CLMN: variants seen among roughly 807,000 people sequenced by gnomAD.
CLMN encodes the protein calmin (calponin-like, transmembrane).
In CLMN, 57 loss-of-function variants were observed where a neutral mutation model predicts 92.7. That is an observed-to-expected ratio of 0.61 (90% CI 0.50 to 0.77). The LOEUF (loss-of-function observed/expected upper bound fraction) is 0.77. Among genes scored for constraint, CLMN ranks in the 30% least tolerant of loss-of-function variants. The pLI is 0.00. For synonymous variants in CLMN, 466 were observed against 470.6 expected, an observed-to-expected ratio of 0.99 and a Z score of 0.13; for missense variants, 1,158 against 1,237.5, an observed-to-expected ratio of 0.94 and a Z score of 0.96.
chr14:95,197,045 C>T (rs1896736296), intron 9 of CLMN, among the ~76,000 whole-genome samples: 1 of 152,136 alleles, frequency 6.6e-6, no homozygotes, highest in African/African-American at 2.4e-5. Flanking sequence ...GAAATGGGTA[C>T]AATAATTATT....
Position 95,211,869 on chromosome 14 carries a change from C to T in CLMN, c.609-990G>A, listed in dbSNP as rs551968447. 3.3e-5 allele frequency among the ~76,000 whole-genome samples: 5 copies of T among 152,272 alleles called. No individual in the cohort carries two copies. The South Asian group carries it at 8.3e-4, about 25-fold the overall frequency. ...AGCTATAGACTGCATTTGAATTTCA[C>T]ATTTTCACAGGTGTTACTTTTCATG... On this transcript the variant is annotated intron_variant, in intron 6 of 12. Transcript: ENST00000298912.
chr14:95,203,328 C>T lies in CLMN; in HGVS notation c.2021G>A (p.Gly674Glu). The change falls in exon 9 of 13, where the codon GGA becomes GAA. Residue 674 changes from glycine to glutamate, a missense_variant. By Grantham distance (98) the Gly-to-Glu change is moderately conservative (BLOSUM62 -2). Coordinates refer to ENST00000298912, the MANE Select transcript of CLMN (RefSeq NM_024734.4). ...KSTRPHYEEEGEDDDLQGVGE... is the reference protein window; with the variant it reads ...KSTRPHYEEEEEDDDLQGVGE... ...CACACCCTGGAGGTCATCGTCTTCTCCCTCTTCCTCATAATGAGGACGGGT... is the reference window on the plus strand; with the variant it reads ...CACACCCTGGAGGTCATCGTCTTCTTCCTCTTCCTCATAATGAGGACGGGT... The T allele has an allele frequency of 1.2e-6, 2 of 1,614,102 alleles. No homozygotes were observed. Among genetic ancestry groups the T allele is most frequent in the Admixed American group, 3.3e-5 (2 of 60,010 alleles).
At position 95,311,003 on chromosome 14, in the gene CLMN, G is replaced by A. The variant is rs549615984; in HGVS notation, c.82+8708C>T. On this transcript the variant is annotated intron_variant, in intron 1 of 12. Transcript: ENST00000298912. ...TTGGGTTGCAGGGCCGGAGCAGGAC[G>A]GGCACACTGGAGGCAGCATAGACAG... Among the ~76,000 whole-genome samples, 199 of 152,292 alleles carry A rather than the reference G, an allele frequency of 1.3e-3. 1 individual carries two copies. The highest frequency in any genetic ancestry group is 4.5e-3 in the African/African-American group (189 of 41,556).
chr14:95,291,084 C>G (rs1278416864), intron 1 of CLMN, among the ~76,000 whole-genome samples: 1 of 152,226 alleles, frequency 6.6e-6, no homozygotes, highest in East Asian at 1.9e-4. Context: ...TAATTTCTTC[C>G]TCTCCCAAAG....
At chr14:95,219,518 T>C (rs1192611081) in intron 4 of CLMN, among the ~76,000 whole-genome samples, 1 of 152,216 alleles carries the variant, frequency 6.6e-6, no homozygotes, top group Non-Finnish European at 1.5e-5. Context: ...GGCTGGTGCA[T>C]GGCTAACCTG....
chr14:95,209,390 C>T lies in CLMN; in HGVS notation c.885+5G>A, dbSNP rs1342919667. On this transcript the variant is annotated splice_donor_5th_base_variant and intron_variant, in intron 8 of 12. Transcript: ENST00000298912. ...CGGAATTAAAGGTAAGAAAAGCAAA[C>T]ATACGGCTTCCAACTCCGGAAAACG... The T allele has an allele frequency of 6.2e-7, 1 of 1,613,698 alleles. No individual in the cohort carries two copies. Among genetic ancestry groups the T allele is most frequent in the Non-Finnish European group, 8.5e-7 (1 of 1,179,748 alleles).
In CLMN at chr14:95,274,907, G is replaced by C. The variant is rs374262742; in HGVS notation, c.83-44774C>G. On this transcript the variant is annotated intron_variant, in intron 1 of 12. Coordinates refer to ENST00000298912, the MANE Select transcript of CLMN (RefSeq NM_024734.4). ...AGCAGGAGAATCGCTTGAACCCAGG[G>C]GGGCAGAGGTTGCAGTGAGATGAGA... 9.9e-5 allele frequency among the ~76,000 whole-genome samples: 15 copies of C among 151,744 alleles called. No individual in the cohort carries two copies. In the East Asian group the frequency reaches 2.9e-3, roughly 29 times the overall value.
intron 1 of CLMN, among the ~76,000 whole-genome samples, chr14:95,291,922 G>A (rs1007086745): frequency 1.3e-5 from 2 of 152,210 alleles, no homozygotes; most frequent in East Asian, 3.8e-4. Context: ...AAAAAAAATA[G>A]GATCCAAAAT....
At chr14:95,292,756 A>G (rs1012614157) in intron 1 of CLMN, among the ~76,000 whole-genome samples, 1 of 152,104 alleles carries the variant, frequency 6.6e-6, no homozygotes, top group Non-Finnish European at 1.5e-5. Context: ...TGGGAGCTGG[A>G]GAGAAATCAG....
intron 9 of CLMN, among the ~76,000 whole-genome samples, chr14:95,197,059 C>G (rs978380128): frequency 1.3e-5 from 2 of 152,124 alleles, no homozygotes; most frequent in Non-Finnish European, 2.9e-5. Flanking sequence ...AATTATTAAC[C>G]ACATCCCACT....
chr14:95,309,445 A>G (rs1024181308), intron 1 of CLMN, among the ~76,000 whole-genome samples: 2 of 152,184 alleles, frequency 1.3e-5, no homozygotes, highest in Non-Finnish European at 2.9e-5. Context: ...CAGTCCCAAA[A>G]TCCACACAAC....
At chr14:95,245,212 A>ATATATATATAATATATATATATATAT (rs1898455196) in intron 1 of CLMN, among the ~76,000 whole-genome samples, 1 of 31,006 alleles carries the variant, frequency 3.2e-5, no homozygotes, top group Non-Finnish European at 5.0e-5. Context: ...TATATATTAT[A>ATATATATATAATATATATATATATAT]TATATATATA....
chr14:95,199,973 G>A (rs1187619), intron 9 of CLMN, among the ~76,000 whole-genome samples: 18,480 of 151,912 alleles, frequency 0.12, 1,579 homozygotes, highest in East Asian at 0.43. Flanking sequence ...TGTCCTGGAT[G>A]CAGCAGTCAG....
chr14:95,272,377 A>T (rs1246464399), intron 1 of CLMN, among the ~76,000 whole-genome samples: 1 of 152,148 alleles, frequency 6.6e-6, no homozygotes, highest in East Asian at 1.9e-4. Flanking sequence ...CCTCACTGGG[A>T]CCCAGGAACA....
rs1196249899 is a variant in CLMN at position 95,294,406 on chromosome 14, G to A, written c.82+25305C>T. ...GAAGGAGAAGGGCTGGGGGCAGAAC[G>A]TGTGCTTGTCTGGCATGCACGGGGC... On this transcript the variant is annotated intron_variant, in intron 1 of 12. Coordinates refer to ENST00000298912, the MANE Select transcript of CLMN (RefSeq NM_024734.4). This position sits in a 1 kb window ranked among gnomAD's most constrained non-coding sequence, Gnocchi z 4.2. 1.3e-5 allele frequency among the ~76,000 whole-genome samples: 2 copies of A among 152,190 alleles called. No homozygotes were observed. Among genetic ancestry groups the A allele is most frequent in the East Asian group, 1.9e-4 (1 of 5,198 alleles).
Position 95,319,566 on chromosome 14 carries a change from C to A in CLMN, c.82+145G>T. 3 of 680,934 alleles carry A rather than the reference C, an allele frequency of 4.4e-6. No homozygotes were observed. The South Asian group carries it at 5.7e-5, about 13-fold the overall frequency. 42.2% of individuals were successfully genotyped at this position (680,934 alleles called of 1,614,324 possible). A position where few individuals can be genotyped will look rare whatever the true frequency, so the allele number is the denominator to read the frequency against. ...CTGGGGCTTGGGGGCGGGTATCCAACCCCAGCCTCCCACCTCGAGGCAAGT... is the reference window on the plus strand; with the variant it reads ...CTGGGGCTTGGGGGCGGGTATCCAAACCCAGCCTCCCACCTCGAGGCAAGT... On this transcript the variant is annotated intron_variant, in intron 1 of 12. Coordinates refer to ENST00000298912, the MANE Select transcript of CLMN (RefSeq NM_024734.4).
At chr14:95,262,076 C>T (rs1238062284) in intron 1 of CLMN, among the ~76,000 whole-genome samples, 3 of 152,362 alleles carry the variant, frequency 2.0e-5, no homozygotes, top group East Asian at 1.9e-4. Context: ...TTCCCAAATG[C>T]TCCCAAACAT....
At chr14:95,238,117 G>A (rs1482473008) in intron 1 of CLMN, among the ~76,000 whole-genome samples, 1 of 152,118 alleles carries the variant, frequency 6.6e-6, no homozygotes, top group Non-Finnish European at 1.5e-5. Context: ...GACGGCCCCT[G>A]CCTGCCCCTC....
chr14:95,197,548 G>A (rs1896755247), intron 9 of CLMN, among the ~76,000 whole-genome samples: 1 of 152,182 alleles, frequency 6.6e-6, no homozygotes, highest in African/African-American at 2.4e-5. Flanking sequence ...TGGCCTATAG[G>A]TTTGGAGAGG....
Sources: gnomAD v4.1 joint callset for allele counts (sites outside exome capture counted in the v4.1 genomes callset) on GRCh38, gnomAD v4.1.1 for gene constraint, Gnocchi (gnomAD v3.1) non-coding constraint, MANE v1.5 for transcripts, NCBI Gene and HGNC (gene_info 2026-07-23, HGNC 2026-07-21) for gene names.